PAX2: variants seen among roughly 807,000 people sequenced by gnomAD.
PAX2 encodes the protein paired box protein Pax-2.
PAX2 carries 9 observed loss-of-function variants against 41.7 expected under a neutral mutation model. The ratio of observed to expected loss-of-function variants is 0.22; its 90% CI spans 0.13 to 0.38. The LOEUF (loss-of-function observed/expected upper bound fraction) is 0.38, where lower values mean the gene tolerates loss of function less well. PAX2 is among the 10% of genes least tolerant of loss of function. The pLI is 1.00. For synonymous variants in PAX2, 221 were observed against 212.7 expected, an observed-to-expected ratio of 1.04 and a Z score of -0.34; for missense variants, 418 against 531.6, an observed-to-expected ratio of 0.79 and a Z score of 2.10.
At chr10:100,811,377 A>G (rs753775722) in intron 7 of PAX2, among the ~76,000 whole-genome samples, 3 of 152,272 alleles carry the variant, frequency 2.0e-5, no homozygotes, top group Non-Finnish European at 2.9e-5. Context: ...GGGGACAAAC[A>G]GAATTTGCTA....
chr10:100,784,491 G>C (rs1348887049), intron 5 of PAX2, among the ~76,000 whole-genome samples: 1 of 152,210 alleles, frequency 6.6e-6, no homozygotes, highest in Non-Finnish European at 1.5e-5. Context: ...CATCTTCCTA[G>C]GAGTGTCATA....
At chr10:100,771,776 C>G (rs1415397719) in intron 3 of PAX2, among the ~76,000 whole-genome samples, 2 of 152,058 alleles carry the variant, frequency 1.3e-5, no homozygotes, top group Non-Finnish European at 2.9e-5. Context: ...CCTGCATTAG[C>G]TGGGCAAAAT....
At chr10:100,820,445 G>A (rs752493414) in intron 7 of PAX2, among the ~76,000 whole-genome samples, 27 of 152,160 alleles carry the variant, frequency 1.8e-4, no homozygotes, top group African/African-American at 4.6e-4. Context: ...TTGGCCAGGC[G>A]CGGTGGCTTA....
At chr10:100,781,710 A>G (rs746240082) in intron 5 of PAX2, among the ~76,000 whole-genome samples, 15 of 152,182 alleles carry the variant, frequency 9.9e-5, no homozygotes, top group Admixed American at 9.2e-4. Flanking sequence ...TGAAAGGCCA[A>G]CCTACCTTGT....
intron 5 of PAX2, among the ~76,000 whole-genome samples, chr10:100,782,865 C>G (rs772127938): frequency 6.6e-6 from 1 of 152,246 alleles, no homozygotes; most frequent in Non-Finnish European, 1.5e-5. Flanking sequence ...TCCTTGGCAC[C>G]CCAAGTGCTT....
chr10:100,822,409 T>TA (rs891830750), intron 7 of PAX2, among the ~76,000 whole-genome samples: 38 of 151,974 alleles, frequency 2.5e-4, no homozygotes, highest in African/African-American at 8.7e-4. Flanking sequence ...CATGAAACAA[T>TA]AAAAAAAATG....
Position 100,827,028 on chromosome 10 carries a change from C to T in PAX2, c.1041C>T (p.Asn347=). The T allele has an allele frequency of 6.2e-7, 1 of 1,613,630 alleles. No homozygotes were observed. Among genetic ancestry groups the T allele is most frequent in the Non-Finnish European group, 8.5e-7 (1 of 1,179,556 alleles). ...CCGCAGGGAGCGAGTTCTCCGGCAA[C>T]CCGTACAGCCACCCCCAGTACACGG... ...GMVPGSEFSG[N]PYSHPQYTAY... is the part of the protein sequence containing the mutation. Residue 347 remains asparagine (N), a synonymous_variant, in exon 9 of 10, where the codon AAC becomes AAT. Transcript: ENST00000355243. This position sits in a 1 kb window ranked among gnomAD's most constrained non-coding sequence, Gnocchi z 8.5.
intron 5 of PAX2, among the ~76,000 whole-genome samples, chr10:100,785,321 T>C (rs1846802794): frequency 6.6e-6 from 1 of 152,200 alleles, no homozygotes; most frequent in African/African-American, 2.4e-5. Flanking sequence ...ACACAACTTG[T>C]CCAAGAATCC....
chr10:100,825,031 C>G, intron 8 of PAX2: 2 of 1,469,212 alleles, frequency 1.4e-6, no homozygotes, highest in East Asian at 2.3e-5. Flanking sequence ...AGTCTGTGCC[C>G]GAGGAGCACT....
intron 7 of PAX2, among the ~76,000 whole-genome samples, chr10:100,818,114 G>A (rs1380868844): frequency 6.6e-6 from 1 of 152,210 alleles, no homozygotes; most frequent in African/African-American, 2.4e-5. Flanking sequence ...GACAGAACTT[G>A]AGGATAGGGC....
intron 7 of PAX2, among the ~76,000 whole-genome samples, chr10:100,813,084 T>C (rs916817555): frequency 2.0e-5 from 3 of 152,258 alleles, no homozygotes. Flanking sequence ...GAATTTGCAC[T>C]GGACCACATT....
At chr10:100,814,845 C>T (rs1848133094) in intron 7 of PAX2, among the ~76,000 whole-genome samples, 1 of 152,172 alleles carries the variant, frequency 6.6e-6, no homozygotes, top group African/African-American at 2.4e-5. Flanking sequence ...GGATGCTGCC[C>T]AAGAGGGAAG....
Position 100,736,475 on chromosome 10 carries a change from G to T in PAX2, c.25+742G>T, listed in dbSNP as rs11190675. On this transcript the variant is annotated intron_variant, in intron 1 of 9. Coordinates refer to the PAX2 transcript ENST00000679374. ...CCAAGTTTAGTTTTGGACTTCGGGGGAGGGAGAGGGTTGGAACAGGTTTCC... is the reference window on the plus strand; with the variant it reads ...CCAAGTTTAGTTTTGGACTTCGGGGTAGGGAGAGGGTTGGAACAGGTTTCC... Among the ~76,000 whole-genome samples the T allele has an allele frequency of 4.4e-4, 67 of 152,302 alleles. 1 individual carries two copies. In the East Asian group the frequency reaches 0.012, roughly 28 times the overall value.
chr10:100,750,428 C>T lies in PAX2; in HGVS notation c.213-266C>T, dbSNP rs1845396211. ...TCCCAAGTGAAAGGCTGGGCTTTCA[C>T]TCCCACGGGTGCCTATTTGGGCTGG... On this transcript the variant is annotated intron_variant, in intron 2 of 9. Transcript: ENST00000355243. This position sits in a 1 kb window ranked among gnomAD's most constrained non-coding sequence, Gnocchi z 4.1. 6.6e-6 allele frequency among the ~76,000 whole-genome samples: 1 copy of T among 152,174 alleles called. No homozygotes were observed. Among genetic ancestry groups the T allele is most frequent in the Admixed American group, 6.5e-5 (1 of 15,288 alleles).
chr10:100,801,378 G>A (rs1165222001), intron 5 of PAX2, among the ~76,000 whole-genome samples: 1 of 152,232 alleles, frequency 6.6e-6, no homozygotes, highest in Non-Finnish European at 1.5e-5. Context: ...TATGAGCTTT[G>A]TTATCCTCGA....
intron 7 of PAX2, among the ~76,000 whole-genome samples, chr10:100,814,580 G>A (rs1848123847): frequency 6.6e-6 from 1 of 152,196 alleles, no homozygotes; most frequent in African/African-American, 2.4e-5. Context: ...TTCCAGGCTT[G>A]TCCAGGCTCC....
rs527284963 is a variant in PAX2 at position 100,748,786 on chromosome 10, G to C, written c.44-960G>C. ...AAAGCCCGAGCCGCTCGGTTTCCTG[G>C]GGGGGCTGCCGAGGTCTGAGGGGTC... On this transcript the variant is annotated intron_variant, in intron 1 of 9. Transcript: ENST00000355243. This position sits in a 1 kb window ranked among gnomAD's most constrained non-coding sequence, Gnocchi z 5.0. 1.8e-4 allele frequency: 182 copies of C among 983,804 alleles called. 2 individuals carry two copies. The South Asian group carries it at 6.2e-3, about 34-fold the overall frequency. 60.9% of individuals were successfully genotyped at this position (983,804 alleles called of 1,614,324 possible).
intron 3 of PAX2, among the ~76,000 whole-genome samples, chr10:100,768,753 C>T (rs577474867): frequency 1.9e-4 from 29 of 152,216 alleles, no homozygotes; most frequent in Admixed American, 9.2e-4. Flanking sequence ...GGCTCTTACC[C>T]GATGCATATG....
intron 5 of PAX2, among the ~76,000 whole-genome samples, chr10:100,798,590 C>T (rs1253460151): frequency 6.6e-6 from 1 of 152,144 alleles, no homozygotes; most frequent in Non-Finnish European, 1.5e-5. Context: ...CTCCTCTCTC[C>T]TTTTTCCTAT....
Sources: gnomAD v4.1 joint callset for allele counts (sites outside exome capture counted in the v4.1 genomes callset) on GRCh38, gnomAD v4.1.1 for gene constraint, Gnocchi (gnomAD v3.1) non-coding constraint, MANE v1.5 for transcripts, NCBI Gene and HGNC (gene_info 2026-07-23, HGNC 2026-07-21) for gene names.